HIP1: variants seen among roughly 807,000 people sequenced by gnomAD.
HIP1 encodes huntingtin interacting protein 1.
HIP1 carries 65 observed loss-of-function variants against 147.6 expected under a neutral mutation model. The observed-to-expected ratio is 0.44, with a 90% CI of 0.36 to 0.54. The LOEUF (loss-of-function observed/expected upper bound fraction) is 0.54, where lower values mean the gene tolerates loss of function less well. HIP1 is among the 20% of genes least tolerant of loss of function. The pLI, the probability that HIP1 is intolerant of heterozygous loss-of-function variation, is 0.00. For synonymous variants in HIP1, 479 were observed against 504.0 expected (o/e 0.95, Z 0.67); for missense variants, 1,061 against 1,299.6 (o/e 0.82, Z 2.82).
intron 10 of HIP1, 41 bp downstream of exon 10, chr7:75,563,147 G>A (rs1554494914): frequency 6.2e-7 from 1 of 1,613,854 alleles, no homozygotes; most frequent in East Asian, 2.2e-5. Flanking sequence ...GAGTACCTGG[G>A]GCCTCTGCAG....
At position 75,538,166 on chromosome 7, in the gene HIP1, T is replaced by G; in HGVS notation, c.*6A>C. 6.2e-7 allele frequency: 1 copy of G among 1,608,532 alleles called. No homozygotes were observed. Among genetic ancestry groups the G allele is most frequent in the East Asian group, 2.2e-5 (1 of 44,870 alleles). ...TTACACTGACATATGGGGTGTTGGT[T>G]TGGCTCTATTCTTTTTCGGTTACCA... On this transcript the variant is annotated 3_prime_UTR_variant, in exon 31 of 31. Coordinates refer to ENST00000336926, the MANE Select transcript of HIP1 (RefSeq NM_005338.7).
rs890548306 is a variant in HIP1 at position 75,535,363 on chromosome 7, T to A, written c.*2809A>T. The A allele has an allele frequency of 2.5e-5, 4 of 157,744 alleles. No individual in the cohort carries two copies. Among genetic ancestry groups the A allele is most frequent in the Non-Finnish European group, 5.4e-5 (4 of 73,856 alleles). 9.8% of individuals were successfully genotyped at this position (157,744 alleles called of 1,614,324 possible). A position where few individuals can be genotyped will look rare whatever the true frequency, so the allele number is the denominator to read the frequency against. ...CTGGGCTGGGCTCTGACACAGAATCTTTTTTTTTTTGAGACAGGGTCTCAC... is the reference window on the plus strand; with the variant it reads ...CTGGGCTGGGCTCTGACACAGAATCATTTTTTTTTTGAGACAGGGTCTCAC... On this transcript the variant is annotated 3_prime_UTR_variant, in exon 31 of 31. Transcript: ENST00000336926.
intron 1 of HIP1, among the ~76,000 whole-genome samples, chr7:75,612,893 C>CA (rs1247159339): frequency 3.9e-5 from 6 of 152,032 alleles, no homozygotes; most frequent in Admixed American, 3.3e-4. Context: ...CACTTGAGGC[C>CA]AGGAGTTCAA....
chr7:75,571,877 C>T (rs1008429949), intron 8 of HIP1, among the ~76,000 whole-genome samples: 1 of 152,054 alleles, frequency 6.6e-6, no homozygotes, highest in Non-Finnish European at 1.5e-5. Flanking sequence ...AACCACTGTG[C>T]CCACCCCAGA....
In HIP1 at chr7:75,561,231, G is replaced by A. The variant is rs587730232; in HGVS notation, c.1191+98C>T. 1.3e-4 allele frequency: 123 copies of A among 917,050 alleles called. No homozygotes were observed. In the East Asian group the frequency reaches 3.0e-3, roughly 22 times the overall value. 56.8% of individuals were successfully genotyped at this position (917,050 alleles called of 1,614,324 possible). ...GGCCTCCCAAAGTGCTAGGATTACA[G>A]GTGTGAGCCACTGTGCCTGGCTAGT... On this transcript the variant is annotated intron_variant, in intron 13 of 30. Coordinates refer to ENST00000336926, the MANE Select transcript of HIP1 (RefSeq NM_005338.7).
chr7:75,710,648 G>A (rs1359062086), intron 1 of HIP1, among the ~76,000 whole-genome samples: 1 of 152,262 alleles, frequency 6.6e-6, no homozygotes, highest in East Asian at 1.9e-4. Context: ...AGCTACTTGG[G>A]AGGCTTAAGT....
chr7:75,589,222 T>C (rs966432874), intron 4 of HIP1, among the ~76,000 whole-genome samples: 3 of 150,584 alleles, frequency 2.0e-5, no homozygotes, highest in African/African-American at 4.9e-5. Flanking sequence ...GAAAACCTTA[T>C]GGAGAAGCTT....
chr7:75,722,694 T>C (rs1554521738), intron 1 of HIP1, among the ~76,000 whole-genome samples: 1 of 152,188 alleles, frequency 6.6e-6, no homozygotes, highest in Non-Finnish European at 1.5e-5. Flanking sequence ...GACCCTACAG[T>C]TGCACTGGGA....
intron 1 of HIP1, among the ~76,000 whole-genome samples, chr7:75,612,535 G>A (rs1411114632): frequency 2.0e-5 from 3 of 151,476 alleles, no homozygotes; most frequent in South Asian, 2.1e-4. Context: ...AAGGCTGGGC[G>A]CGGTGGCTCA....
At chr7:75,596,641 C>T (rs1246827241) in intron 2 of HIP1, among the ~76,000 whole-genome samples, 1 of 152,208 alleles carries the variant, frequency 6.6e-6, no homozygotes, top group Non-Finnish European at 1.5e-5. Context: ...CCGCCTCCAC[C>T]TTCCAAAGTG....
chr7:75,696,919 A>G (rs1179074794), intron 1 of HIP1, among the ~76,000 whole-genome samples: 1 of 151,072 alleles, frequency 6.6e-6, no homozygotes, highest in African/African-American at 2.4e-5. Context: ...TCTCACTTGC[A>G]TATTTCTGAG....
At chr7:75,543,600 G>T (rs1794418259) in intron 27 of HIP1, among the ~76,000 whole-genome samples, 1 of 152,072 alleles carries the variant, frequency 6.6e-6, no homozygotes. Flanking sequence ...CCTCCTAAAA[G>T]TGCTGGGATT....
chr7:75,589,150 TAAAA>T (rs112794656), intron 4 of HIP1, among the ~76,000 whole-genome samples: 1 of 129,852 alleles, frequency 7.7e-6, no homozygotes. Flanking sequence ...AACTCTGTCT[TAAAA>T]AAAAAAAAAA....
At chr7:75,736,722 C>T (rs1584991821) in intron 1 of HIP1, among the ~76,000 whole-genome samples, 1 of 152,032 alleles carries the variant, frequency 6.6e-6, no homozygotes, top group African/African-American at 2.4e-5. Context: ...TAGCTGGATC[C>T]TGGGAGGCAG....
At chr7:75,704,576 T>C (rs1800934131) in intron 1 of HIP1, among the ~76,000 whole-genome samples, 2 of 147,324 alleles carry the variant, frequency 1.4e-5, no homozygotes, top group Admixed American at 1.4e-4. Flanking sequence ...TTTCTTGTTG[T>C]TGTTGTTGTT....
chr7:75,608,165 G>A lies in HIP1; in HGVS notation c.121-8918C>T, dbSNP rs185598737. Among the ~76,000 whole-genome samples, 87 of 152,194 alleles carry A rather than the reference G, an allele frequency of 5.7e-4. 1 individual carries two copies. Among genetic ancestry groups the A allele is most frequent in the East Asian group, 4.8e-3 (25 of 5,180 alleles). On this transcript the variant is annotated intron_variant, in intron 1 of 30. Transcript: ENST00000336926. ...ACTAAAAACACACAAAAAATTAGCC[G>A]GGCGTGGTGGTGGGCACCTGTAATC... is the stretch of plus-strand genomic sequence containing the variant.
intron 1 of HIP1, among the ~76,000 whole-genome samples, chr7:75,700,996 C>T (rs1438374827): frequency 2.6e-5 from 4 of 152,176 alleles, no homozygotes; most frequent in East Asian, 1.9e-4. Flanking sequence ...TGAGCCACCA[C>T]ACCCGGCCCC....
intron 1 of HIP1, among the ~76,000 whole-genome samples, chr7:75,668,732 C>T (rs1799636248): frequency 1.3e-5 from 2 of 152,222 alleles, no homozygotes; most frequent in Admixed American, 6.5e-5. Flanking sequence ...AACATCCTCC[C>T]AGTTTTCACT....
intron 1 of HIP1, among the ~76,000 whole-genome samples, chr7:75,691,507 T>C (rs1351192345): frequency 1.4e-5 from 2 of 143,970 alleles, no homozygotes; most frequent in Non-Finnish European, 3.0e-5. Context: ...ACAAAAAACT[T>C]CCAGAATAGG....
Sources: allele counts gnomAD v4.1 joint callset (sites outside exome capture counted in the v4.1 genomes callset), GRCh38; gene constraint gnomAD v4.1.1; transcripts MANE v1.5; gene names NCBI Gene and HGNC (gene_info 2026-07-23, HGNC 2026-07-21).